Variants in KMT2D observed in about 807,000 individuals in gnomAD.
The protein encoded by KMT2D is lysine methyltransferase 2D.
KMT2D carries 55 observed loss-of-function variants against 512.7 expected under a neutral mutation model. That is an observed-to-expected ratio of 0.11 (90% CI 0.09 to 0.13). KMT2D has a LOEUF of 0.13. Ranked by LOEUF, KMT2D falls within the 10% of genes least tolerant of loss-of-function variation. KMT2D has a pLI of 1.00. For missense variants in KMT2D, 6,061 were observed against 7,127.9 expected (o/e 0.85, Z 5.39); for synonymous variants, 2,995 against 2,904.0 (o/e 1.03, Z -1.01).
intron 1 of KMT2D, among the ~76,000 whole-genome samples, chr12:49,058,150 C>A (rs1287746066): frequency 6.6e-6 from 1 of 152,204 alleles, no homozygotes; most frequent in Non-Finnish European, 1.5e-5. Flanking sequence ...TTTTGGGTCA[C>A]CCCTCCGAGA....
At position 49,042,361 on chromosome 12, in the gene KMT2D, G is replaced by A. The variant is rs757024233; in HGVS notation, c.5868-31C>T. The A allele has an allele frequency of 4.0e-6, 6 of 1,499,940 alleles. No individual in the cohort carries two copies. The highest frequency in any genetic ancestry group is 2.6e-5 in the South Asian group (2 of 75,514). The allele number at this position is 1,499,940 out of a possible 1,614,324, so 92.9% of individuals were successfully genotyped here. A position where few individuals can be genotyped will look rare whatever the true frequency, so the allele number is the denominator to read the frequency against. ...GCGCAGGGGCAGAGAGTCACAGGGC[G>A]CAGGGATGCCAAGTCCCACCCCAGA... On this transcript the variant is annotated intron_variant, in intron 28 of 54. Transcript: ENST00000301067. The surrounding 1 kb of genome is among the most constrained non-coding windows in gnomAD (Gnocchi z 4.4).
rs766413315 is a variant in KMT2D at position 49,026,345 on chromosome 12, G to A, written c.15621C>T (p.Pro5207=). ...ADFHSATALY[P]VGYEATRIYW... ...AGATGCGCGTGGCCTCGTAGCCCAC[G>A]GGATAGAGGGCAGTGGCACTATGAA... Residue 5207 remains proline (P), a synonymous_variant, in exon 49 of 55, where the codon CCC becomes CCT. Coordinates refer to ENST00000301067, the MANE Select transcript of KMT2D (RefSeq NM_003482.4). The surrounding 1 kb of genome is among the most constrained non-coding windows in gnomAD (Gnocchi z 9.6). 1.9e-5 allele frequency: 31 copies of A among 1,611,626 alleles called. No individual in the cohort carries two copies. The highest frequency in any genetic ancestry group is 2.4e-5 in the Non-Finnish European group (28 of 1,177,962).
rs773696165 is a variant in KMT2D, at chr12:49,021,742, G to C, written c.*38C>G. On this transcript the variant is annotated 3_prime_UTR_variant, in exon 55 of 55. Coordinates refer to ENST00000301067, the MANE Select transcript of KMT2D (RefSeq NM_003482.4). ...CATCCCTTTCAGGGAAGAGGTTGTGGGTAGGGGGACTCCCCTGCCTGGTAG... is the reference window on the plus strand; with the variant it reads ...CATCCCTTTCAGGGAAGAGGTTGTGCGTAGGGGGACTCCCCTGCCTGGTAG... 1.3e-5 allele frequency: 19 copies of C among 1,503,396 alleles called. No homozygotes were observed. The highest frequency in any genetic ancestry group is 1.8e-5 in the Non-Finnish European group (19 of 1,080,330). The allele number at this position is 1,503,396 out of a possible 1,614,324, so 93.1% of individuals were successfully genotyped here.
chr12:49,042,385 G>C lies in KMT2D; in HGVS notation c.5868-55C>G. The C allele has an allele frequency of 6.7e-7, 1 of 1,490,848 alleles. No homozygotes were observed. Among genetic ancestry groups the C allele is most frequent in the Non-Finnish European group, 8.9e-7 (1 of 1,118,170 alleles). The allele number at this position is 1,490,848 out of a possible 1,614,324, so 92.4% of individuals were successfully genotyped here. On this transcript the variant is annotated intron_variant, in intron 28 of 54. Coordinates refer to ENST00000301067, the MANE Select transcript of KMT2D (RefSeq NM_003482.4). The surrounding 1 kb of genome is among the most constrained non-coding windows in gnomAD (Gnocchi z 4.4). Reference sequence around the variant, plus strand: ...CGCAGGGATGCCAAGTCCCACCCCAGACAAACTGCCTAGAGCCCCAGGCCA... The same window carrying C: ...CGCAGGGATGCCAAGTCCCACCCCACACAAACTGCCTAGAGCCCCAGGCCA...
chr12:49,028,649 G>A (rs573810396), intron 46 of KMT2D, among the ~76,000 whole-genome samples, 179 bp downstream of exon 46: 85 of 152,304 alleles, frequency 5.6e-4, no homozygotes, highest in African/African-American at 2.0e-3. Context: ...TACGAGCCCC[G>A]TGAGGGCAGG....
At position 49,034,474 on chromosome 12, in the gene KMT2D, C is replaced by A. The variant is rs1943119125; in HGVS notation, c.10443G>T (p.Glu3481Asp). 6.2e-7 allele frequency: 1 copy of A among 1,613,672 alleles called. No homozygotes were observed. The highest frequency in any genetic ancestry group is 2.2e-5 in the East Asian group (1 of 44,860). Residue 3481 changes from glutamate (E) to aspartate (D), a missense_variant and splice_region_variant, in exon 38 of 55, where the codon GAG becomes GAT. Transcript: ENST00000301067. ...QNHVAAGSGQ[E>D]RSAGDPSQPR... is the part of the protein sequence containing the mutation. The stretch of plus-strand genomic sequence containing the variant: ...GCTGGGAGGGATCACCAGCACTCCG[C>A]TCCTGCAATGAGAGAGGCTGCTAAA...
chr12:49,041,420 G>A lies in KMT2D; in HGVS notation c.6350C>T (p.Pro2117Leu), dbSNP rs778901266. The change falls in exon 32 of 55, where the codon CCC (proline) becomes CTC (leucine). Residue 2117 changes from proline to leucine, a missense_variant. Pro to Leu is a moderately conservative substitution (Grantham distance 98). Coordinates refer to ENST00000301067, the MANE Select transcript of KMT2D (RefSeq NM_003482.4). This position sits in a 1 kb window ranked among gnomAD's most constrained non-coding sequence, Gnocchi z 5.4. ...GAAAATGGTGGGGGCAGCAGCGGGG[G>A]GCGGGCTGCCCAGTGCCCCTGGCTG... ...PPQPGALGSPPPAAAPTIFIG... is the reference protein window; with the variant it reads ...PPQPGALGSPLPAAAPTIFIG... 4.4e-6 allele frequency: 7 copies of A among 1,606,078 alleles called. 1 individual carries two copies. In the South Asian group the frequency reaches 5.5e-5, roughly 13 times the overall value.
At position 49,037,829 on chromosome 12, in the gene KMT2D, C is replaced by T. The variant is rs1238648769; in HGVS notation, c.9527G>A (p.Ser3176Asn). Residue 3176 changes from serine to asparagine, a missense_variant, in exon 35 of 55, where the codon AGT (serine) becomes AAT (asparagine). Ser to Asn is a conservative substitution (Grantham distance 46). This residue lies in a region of KMT2D where 533 missense variants were observed against 539.6 expected (regional missense o/e 0.99). Transcript: ENST00000301067. ...TRMGTGPFSS[S>N]GHTAEKASFG... ...GGAGGCCTTCTCAGCTGTGTGCCCA[C>T]TGCTAGAAAATGGCCCTGTGCCCAT... 1 of 1,597,340 alleles carries T rather than the reference C, an allele frequency of 6.3e-7. No homozygotes were observed. The highest frequency in any genetic ancestry group is 2.3e-5 in the East Asian group (1 of 44,090).
chr12:49,033,015 A>G lies in KMT2D; in HGVS notation c.11690T>C (p.Leu3897Ser), dbSNP rs1342235871. The G allele has an allele frequency of 6.4e-6, 10 of 1,550,760 alleles. No individual in the cohort carries two copies. The Admixed American group carries it at 1.8e-4, about 27-fold the overall frequency. ...CTGCTGCTGCTGCTGAAGCTGCTGT[A>G]AAGAGCCCATGGGCTGAGCGCTCAG... ...PKLSAQPMGS[L>S]QQLQQQQQLQ... Residue 3897 changes from leucine (L) to serine (S), a missense_variant, in exon 40 of 55, where the codon TTA becomes TCA. By Grantham distance (145) the Leu-to-Ser change is moderately radical. This residue lies in a region of KMT2D where 1,600 missense variants were observed against 1,754.9 expected (regional missense o/e 0.91). Coordinates refer to ENST00000301067, the MANE Select transcript of KMT2D (RefSeq NM_003482.4).
At position 49,051,618 on chromosome 12, in the gene KMT2D, G is replaced by A. The variant is rs931621569; in HGVS notation, c.2065C>T (p.Leu689Phe). ...GGGGAGTCCTCAGGTGGTGGGGAGA[G>A]GCGTGAAGCCTCAGGTGGAGGGGAC... ...PTSPPPEASR[L>F]SPPPEDSPTS... is the part of the protein sequence containing the mutation. The change falls in exon 11 of 55, where the codon CTC (leucine) becomes TTC (phenylalanine). Residue 689 changes from leucine to phenylalanine, a missense_variant. Physicochemically the swap from Leu to Phe is conservative, Grantham distance 22. Transcript: ENST00000301067. 1 of 1,579,554 alleles carries A rather than the reference G, an allele frequency of 6.3e-7. No homozygotes were observed.
chr12:49,024,840 C>A lies in KMT2D; in HGVS notation c.15891G>T (p.Thr5297=), dbSNP rs778749102. Residue 5297 remains threonine, a synonymous_variant, in exon 50 of 55, where the codon ACG becomes ACT. Transcript: ENST00000301067. The surrounding 1 kb of genome is among the most constrained non-coding windows in gnomAD (Gnocchi z 4.5). ...CAGCTATGCGAAGCACGGCATGCAC[C>A]GTCAGCCCAAAGAGCTCCTCGCCCT... is the stretch of plus-strand genomic sequence containing the variant. The part of the protein sequence containing the change: ...YLKGEELFGL[T]VHAVLRIAES... The A allele has an allele frequency of 6.2e-7, 1 of 1,612,638 alleles. No individual in the cohort carries two copies. Among genetic ancestry groups the A allele is most frequent in the Non-Finnish European group, 8.5e-7 (1 of 1,179,306 alleles).
rs2120361162 is a variant in KMT2D at position 49,026,640 on chromosome 12, C to G, written c.15326G>C (p.Cys5109Ser). The change falls in exon 49 of 55, where the codon TGC (cysteine) becomes TCC (serine). Residue 5109 changes from cysteine (C) to serine (S), a missense_variant. This residue lies in a region of KMT2D where 261 missense variants were observed against 440.7 expected (regional missense o/e 0.59). Transcript: ENST00000301067. This position sits in a 1 kb window ranked among gnomAD's most constrained non-coding sequence, Gnocchi z 9.6. The stretch of plus-strand genomic sequence containing the variant: ...ACAAGCAAAATGGTAGACATTGGGG[C>G]AACGCATGCGATTGCAGCTGCTGGT... The part of the protein sequence containing the change: ...GATSSCNRMR[C>S]PNVYHFACAI... 6.2e-7 allele frequency: 1 copy of G among 1,614,038 alleles called. No homozygotes were observed. Among genetic ancestry groups the G allele is most frequent in the Non-Finnish European group, 8.5e-7 (1 of 1,179,906 alleles).
chr12:49,029,241 G>A lies in KMT2D; in HGVS notation c.14076-5C>T, dbSNP rs1942763782. ...CTATCCTCATCACTCTCCATCCTGG[G>A]GACCAAAAGTAGACATTTGTTGCTA... On this transcript the variant is annotated splice_polypyrimidine_tract_variant and splice_region_variant and intron_variant, in intron 44 of 54. Coordinates refer to ENST00000301067, the MANE Select transcript of KMT2D (RefSeq NM_003482.4). 6.2e-6 allele frequency: 10 copies of A among 1,609,168 alleles called. No individual in the cohort carries two copies. Among genetic ancestry groups the A allele is most frequent in the Non-Finnish European group, 7.7e-6 (9 of 1,175,862 alleles).
At position 49,049,677 on chromosome 12, in the gene KMT2D, C is replaced by A. The variant is rs2120637920; in HGVS notation, c.3906+5G>T. ...ATCACATCCCGCAGCTAGATAGCCC[C>A]TCACCTGTTTGATGCGGGAACGGGC... On this transcript the variant is annotated splice_donor_5th_base_variant and intron_variant, in intron 12 of 54. Transcript: ENST00000301067. 6.4e-7 allele frequency: 1 copy of A among 1,573,224 alleles called. No individual in the cohort carries two copies. The highest frequency in any genetic ancestry group is 2.3e-5 in the East Asian group (1 of 44,288).
intron 42 of KMT2D, 46 bp downstream of exon 42, chr12:49,030,555 T>C (rs2120404862): frequency 6.6e-7 from 1 of 1,521,938 alleles, no homozygotes; most frequent in Non-Finnish European, 8.8e-7. Context: ...ACCCTCACCT[T>C]CCCAAGAACT....
rs1943092972 is a variant in KMT2D, at chr12:49,034,060, C to T, written c.10740+7G>A. The T allele has an allele frequency of 6.2e-7, 1 of 1,609,992 alleles. No homozygotes were observed. Among genetic ancestry groups the T allele is most frequent in the South Asian group, 1.1e-5 (1 of 90,926 alleles). ...TGGGTGCTAGGCTGAAGTTTGCTTT[C>T]CCCCACCTGATCCAGTTGTTTCTGG... On this transcript the variant is annotated splice_region_variant and intron_variant, in intron 39 of 54. Transcript: ENST00000301067.
intron 46 of KMT2D, among the ~76,000 whole-genome samples, chr12:49,028,475 C>CT (rs1942722427): frequency 6.6e-6 from 1 of 152,194 alleles, no homozygotes; most frequent in African/African-American, 2.4e-5. Flanking sequence ...GTCATTTTAA[C>CT]TGTGTTTTCC....
rs1943289716 is a variant in KMT2D, at chr12:49,037,721, T to A, written c.9635A>T (p.Lys3212Met). ...CAAAGCCCCACTCTCGAGCTCAAAC[T>A]TTTCCAGCAGGGAGGATCCTCCTGG... The part of the protein sequence containing the change: ...SGPGGSSLLE[K>M]FELESGALTL... The change falls in exon 35 of 55, where the codon AAG becomes ATG. Residue 3212 changes from lysine to methionine, a missense_variant. Transcript: ENST00000301067. 6.3e-7 allele frequency: 1 copy of A among 1,588,148 alleles called. No individual in the cohort carries two copies. Among genetic ancestry groups the A allele is most frequent in the Non-Finnish European group, 8.6e-7 (1 of 1,167,094 alleles).
chr12:49,023,828 A>G (rs1942440255), intron 51 of KMT2D, among the ~76,000 whole-genome samples: 1 of 152,180 alleles, frequency 6.6e-6, no homozygotes, highest in African/African-American at 2.4e-5. Flanking sequence ...GACATTCTAC[A>G]ACAGCCTAGG....
Sources: gnomAD v4.1 joint callset for allele counts (sites outside exome capture counted in the v4.1 genomes callset) on GRCh38, gnomAD v4.1.1 for gene constraint, gnomAD v4.1.1 regional missense constraint, Gnocchi (gnomAD v3.1) non-coding constraint, MANE v1.5 for transcripts, NCBI Gene and HGNC (gene_info 2026-07-23, HGNC 2026-07-21) for gene names.